IRAG2: variants seen among roughly 807,000 people sequenced by gnomAD.
The protein encoded by IRAG2 is inositol 1,4,5-triphosphate receptor associated 2, also known as lymphoid restricted membrane protein.
A neutral mutation model predicts 69.9 loss-of-function variants in IRAG2; 45 were observed. The observed-to-expected ratio is 0.64, with a 90% confidence interval of 0.51 to 0.83. The LOEUF is 0.83. IRAG2 is among the 40% of genes least tolerant of loss of function. IRAG2 has a pLI of 0.00. For missense variants in IRAG2, 520 were observed against 587.0 expected, an observed-to-expected ratio of 0.89 and a Z score of 1.18; for synonymous variants, 193 against 202.4, an observed-to-expected ratio of 0.95 and a Z score of 0.40.
At chr12:25,092,104 C>A (rs10743539) in intron 14 of IRAG2, among the ~76,000 whole-genome samples, 135,849 of 150,426 alleles carry the variant, frequency 0.9, 62,862 homozygotes, top group East Asian at 1. Flanking sequence ...ATCTCTACTA[C>A]AAATACAAAA....
chr12:25,001,073 G>A (rs1032710032), upstream of IRAG2, among the ~76,000 whole-genome samples: 5 of 152,142 alleles, frequency 3.3e-5, no homozygotes, highest in African/African-American at 4.8e-5. Flanking sequence ...TCCCACCCAT[G>A]TTCTGCTCTA....
At chr12:25,004,287 C>T, upstream of IRAG2, 3 of 1,127,660 alleles carry the variant, frequency 2.7e-6, no homozygotes, top group Non-Finnish European at 3.4e-6. Context: ...AAACATGTAT[C>T]TACTTTTGCC....
intron 14 of IRAG2, chr12:25,093,687 G>T: frequency 6.5e-6 from 1 of 154,510 alleles, no homozygotes. Flanking sequence ...CTGTGTAAAG[G>T]AGGATCAAAG....
chr12:25,055,107 A>T (rs540819051), intron 1 of IRAG2, among the ~76,000 whole-genome samples: 4 of 152,210 alleles, frequency 2.6e-5, no homozygotes, highest in Non-Finnish European at 5.9e-5. Context: ...TGATCCATCT[A>T]AGTTGCATCA....
upstream of IRAG2, among the ~76,000 whole-genome samples, chr12:25,000,301 G>T (rs1263472786): frequency 6.6e-6 from 1 of 152,174 alleles, no homozygotes; most frequent in Non-Finnish European, 1.5e-5. Context: ...CAAAAGATTA[G>T]CTGGGCATAG....
chr12:25,024,196 C>G (rs796521928), intron 8 of IRAG2, among the ~76,000 whole-genome samples: 5 of 152,264 alleles, frequency 3.3e-5, no homozygotes, highest in African/African-American at 1.2e-4. Context: ...ATATCCAAAT[C>G]AAGAAGGAAA....
intron 3 of IRAG2, 97 bp downstream of exon 3, chr12:25,062,997 G>T (rs1387509214): frequency 2.5e-6 from 1 of 397,282 alleles, no homozygotes; most frequent in Non-Finnish European, 4.4e-6. Context: ...AGTAGTCTTA[G>T]AACTGCATAT....
rs753670968 is a variant in IRAG2, at chr12:25,096,919, C to T, written c.616C>T (p.Pro206Ser). Residue 206 changes from proline to serine, a missense_variant, in exon 15 of 22, where the codon CCT (proline) becomes TCT (serine). By Grantham distance (74) the Pro-to-Ser change is moderately conservative. Coordinates refer to ENST00000556887, the MANE Select transcript of IRAG2 (RefSeq NM_001366544.2). ...NCLKLLESLTPLCEDDNQAQE... is the reference protein window; with the variant it reads ...NCLKLLESLTSLCEDDNQAQE... ...GCTGTTTTCTATACAGTCTTTAACA[C>T]CTCTGTGTGAAGATGACAACCAGGC... The T allele has an allele frequency of 6.2e-7, 1 of 1,612,474 alleles. No individual in the cohort carries two copies. The highest frequency in any genetic ancestry group is 8.5e-7 in the Non-Finnish European group (1 of 1,179,346).
At position 25,097,121 on chromosome 12, in the gene IRAG2, C is replaced by T. The variant is rs1592087628; in HGVS notation, c.741+77C>T. On this transcript the variant is annotated intron_variant, in intron 15 of 21. Transcript: ENST00000556887. ...TTTTCCTGAGACTATGGATTTCTCA[C>T]TTCTAGGAATAAGTTTTAAAAAATA... 9 of 1,407,256 alleles carry T rather than the reference C, an allele frequency of 6.4e-6. No homozygotes were observed. The East Asian group carries it at 1.7e-4, about 26-fold the overall frequency. The allele number at this position is 1,407,256 out of a possible 1,614,324, so 87.2% of individuals were successfully genotyped here.
intron 9 of IRAG2, among the ~76,000 whole-genome samples, chr12:25,081,746 T>G (rs1244234592): frequency 6.6e-6 from 1 of 152,216 alleles, no homozygotes; most frequent in Non-Finnish European, 1.5e-5. Flanking sequence ...GGCATATCCA[T>G]GTAATAGAAT....
chr12:25,049,642 C>A (rs1944824638), upstream of IRAG2, among the ~76,000 whole-genome samples: 1 of 152,148 alleles, frequency 6.6e-6, no homozygotes. Flanking sequence ...TAGGAAAATG[C>A]AAGTTAAGAC....
chr12:25,018,194 T>TTC (rs375521691), intron 6 of IRAG2, among the ~76,000 whole-genome samples: 6 of 2,306 alleles, frequency 2.6e-3, no homozygotes, highest in Non-Finnish European at 0.01. Context: ...TTCTTTCTTC[T>TTC]TTTTTTTTTT....
At chr12:25,066,665 CTTTT>C (rs781555051) in intron 5 of IRAG2, among the ~76,000 whole-genome samples, 153 bp downstream of exon 5, 2 of 142,072 alleles carry the variant, frequency 1.4e-5, no homozygotes, top group Non-Finnish European at 3.1e-5. Flanking sequence ...TTCTTTCTTT[CTTTT>C]TTTTTTTTTT....
At chr12:25,038,253 T>C (rs762551432) in intron 16 of IRAG2, 5 of 394,674 alleles carry the variant, frequency 1.3e-5, no homozygotes, top group Non-Finnish European at 2.2e-5. Flanking sequence ...CAGATGATAC[T>C]TTTTTCAGAG....
rs954924933 is a variant in IRAG2 at position 25,052,881 on chromosome 12, C to T, written c.-522C>T. 3 of 398,440 alleles carry T rather than the reference C, an allele frequency of 7.5e-6. No homozygotes were observed. Among genetic ancestry groups the T allele is most frequent in the Non-Finnish European group, 1.3e-5 (3 of 226,064 alleles). The allele number at this position is 398,440 out of a possible 1,614,324, so 24.7% of individuals were successfully genotyped here. A position where few individuals can be genotyped will look rare whatever the true frequency, so the allele number is the denominator to read the frequency against. On this transcript the variant is annotated 5_prime_UTR_variant, in exon 1 of 22. The change creates a new upstream start codon in the 5' untranslated region. Coordinates refer to ENST00000556887, the MANE Select transcript of IRAG2 (RefSeq NM_001366544.2). ...ATTAGAGGAAGCAATTTCGGAACAA[C>T]GGAACCTTCAAACTATAAATACTGA...
intron 10 of IRAG2, among the ~76,000 whole-genome samples, chr12:25,086,566 G>A (rs1403069285): frequency 6.6e-6 from 1 of 152,166 alleles, no homozygotes; most frequent in Non-Finnish European, 1.5e-5. Flanking sequence ...ATTTCCCAAG[G>A]ACTGTGGCAG....
At chr12:25,096,717 G>A (rs895614075) in intron 14 of IRAG2, among the ~76,000 whole-genome samples, 193 bp from the exon 15 acceptor site, 14 of 152,104 alleles carry the variant, frequency 9.2e-5, no homozygotes, top group Non-Finnish European at 1.6e-4. Context: ...GATCACCTGC[G>A]TATATCTACC....
At chr12:25,038,640 C>CA (rs376380706) in intron 16 of IRAG2, among the ~76,000 whole-genome samples, 17,412 of 105,054 alleles carry the variant, frequency 0.17, 1,070 homozygotes, top group Middle Eastern at 0.19. Context: ...GACTCCATTT[C>CA]AAAAAAAAAA....
chr12:25,107,769 T>C (rs750807432), intron 21 of IRAG2, 48 bp from the exon 22 acceptor site: 23 of 1,580,494 alleles, frequency 1.5e-5, no homozygotes, highest in Non-Finnish European at 1.8e-5. Context: ...GGAATGTTTC[T>C]AATGACAAAT....
Sources: allele counts gnomAD v4.1 joint callset (sites outside exome capture counted in the v4.1 genomes callset), GRCh38; gene constraint gnomAD v4.1.1; transcripts MANE v1.5; gene names NCBI Gene and HGNC (gene_info 2026-07-23, HGNC 2026-07-21).